The following CDH13 variants were observed in gnomAD, a reference collection of about 807,000 sequenced individuals.
The protein encoded by CDH13 is cadherin-13.
In CDH13, 24 loss-of-function variants were observed where a neutral mutation model predicts 63.8. That is an observed-to-expected ratio of 0.38 (90% CI 0.27 to 0.53). CDH13 has a LOEUF of 0.53. Ranked by LOEUF, CDH13 falls within the 20% of genes least tolerant of loss-of-function variation. The pLI is 0.85. For missense variants in CDH13, 1,049 were observed against 903.1 expected, an observed-to-expected ratio of 1.16 and a Z score of -2.07; for synonymous variants, 503 against 355.3, an observed-to-expected ratio of 1.42 and a Z score of -4.67.
intron 2 of CDH13, among the ~76,000 whole-genome samples, chr16:83,006,656 A>G (rs1913529303): frequency 6.6e-6 from 1 of 152,204 alleles, no homozygotes; most frequent in Non-Finnish European, 1.5e-5. Context: ...GCAAATAATG[A>G]TGAAGTGAGC....
intron 8 of CDH13, among the ~76,000 whole-genome samples, chr16:83,628,716 T>A (rs1567466391): frequency 6.6e-6 from 1 of 151,920 alleles, no homozygotes; most frequent in African/African-American, 2.4e-5. Flanking sequence ...AATCTGGGGT[T>A]TTTCTAGCTG....
At chr16:83,562,516 T>G (rs1201177616) in intron 7 of CDH13, among the ~76,000 whole-genome samples, 1 of 152,224 alleles carries the variant, frequency 6.6e-6, no homozygotes, top group Non-Finnish European at 1.5e-5. Context: ...CATGAAAGAT[T>G]GGTAATCACA....
Position 82,658,115 on chromosome 16 carries a change from T to A in CDH13, c.45+30978T>A, listed in dbSNP as rs541813235. ...GTTACTAGTTTGTTGAGAGTTATTA[T>A]GAGTATTGATTTTGCCAAGTGCTTT... is the stretch of plus-strand genomic sequence containing the variant. On this transcript the variant is annotated intron_variant, in intron 1 of 13. Coordinates refer to ENST00000567109, the MANE Select transcript of CDH13 (RefSeq NM_001257.5). Among the ~76,000 whole-genome samples the A allele has an allele frequency of 4.6e-5, 7 of 152,328 alleles. No individual in the cohort carries two copies. The East Asian group carries it at 1.2e-3, about 25-fold the overall frequency.
intron 1 of CDH13, among the ~76,000 whole-genome samples, chr16:82,680,409 G>T (rs1006288384): frequency 1.3e-5 from 2 of 152,328 alleles, no homozygotes; most frequent in East Asian, 1.9e-4. Context: ...GTGCCAGGAG[G>T]TGCGGGTGTA....
chr16:83,127,158 A>G (rs1336755986), intron 4 of CDH13, among the ~76,000 whole-genome samples: 2 of 152,214 alleles, frequency 1.3e-5, no homozygotes, highest in African/African-American at 4.8e-5. Flanking sequence ...TAGAGTCGCA[A>G]CATGCCTGGG....
chr16:83,275,600 G>A (rs1298931512), intron 5 of CDH13, among the ~76,000 whole-genome samples: 2 of 152,140 alleles, frequency 1.3e-5, no homozygotes, highest in African/African-American at 2.4e-5. Context: ...GCTTAAGGAG[G>A]GGGCACCATT....
At position 83,059,070 on chromosome 16, in the gene CDH13, G is replaced by T. The variant is rs78231643; in HGVS notation, c.366+26852G>T. Among the ~76,000 whole-genome samples, 1,468 of 152,224 alleles carry T rather than the reference G, an allele frequency of 9.6e-3. 17 individuals are homozygous for T. Among genetic ancestry groups the T allele is most frequent in the African/African-American group, 0.03 (1,253 of 41,508 alleles). On this transcript the variant is annotated intron_variant, in intron 3 of 13. Coordinates refer to ENST00000567109, the MANE Select transcript of CDH13 (RefSeq NM_001257.5). ...GGTGCAGGAACTTGATCTGAGAGGT[G>T]GTCCCAGGAAGCAGAAGTGAGTTCA...
chr16:82,887,622 A>T (rs1415282740), intron 2 of CDH13, among the ~76,000 whole-genome samples: 1 of 152,168 alleles, frequency 6.6e-6, no homozygotes, highest in East Asian at 1.9e-4. Context: ...GGAGTTCGAG[A>T]CGAGTCTGGC....
chr16:82,649,810 G>T (rs966623998), intron 1 of CDH13, among the ~76,000 whole-genome samples: 7 of 152,200 alleles, frequency 4.6e-5, no homozygotes, highest in African/African-American at 1.7e-4. Context: ...CCGCTGCCCT[G>T]TAACCTTGAG....
chr16:83,012,009 T>C (rs1218396665), intron 2 of CDH13, among the ~76,000 whole-genome samples: 1 of 152,208 alleles, frequency 6.6e-6, no homozygotes, highest in Non-Finnish European at 1.5e-5. Flanking sequence ...GATCACTAGA[T>C]TTTAATTTTA....
chr16:83,743,388 C>A (rs190217662), intron 10 of CDH13, among the ~76,000 whole-genome samples: 9 of 152,072 alleles, frequency 5.9e-5, no homozygotes, highest in African/African-American at 2.2e-4. Flanking sequence ...CAGGCCTAAC[C>A]GTGCTGAGTA....
At chr16:83,579,165 C>T (rs893889271) in intron 7 of CDH13, among the ~76,000 whole-genome samples, 1 of 152,160 alleles carries the variant, frequency 6.6e-6, no homozygotes, top group Non-Finnish European at 1.5e-5. Context: ...GCCTGAGGAC[C>T]ACTCCATGCC....
chr16:82,959,759 C>T (rs766447079), intron 2 of CDH13, among the ~76,000 whole-genome samples: 8 of 152,296 alleles, frequency 5.3e-5, no homozygotes, highest in South Asian at 2.1e-4. Flanking sequence ...AGTAGTACTG[C>T]GTGGCATGGA....
intron 10 of CDH13, among the ~76,000 whole-genome samples, chr16:83,682,004 C>T (rs992595808): frequency 4.6e-5 from 7 of 152,182 alleles, no homozygotes; most frequent in African/African-American, 2.4e-5. Context: ...CAGGTGTCTC[C>T]TGATAACATT....
At chr16:83,412,652 C>T (rs867368840) in intron 6 of CDH13, among the ~76,000 whole-genome samples, 2 of 152,106 alleles carry the variant, frequency 1.3e-5, no homozygotes, top group Admixed American at 1.3e-4. Flanking sequence ...TGGGGCACAT[C>T]AACTCCTTGC....
At chr16:82,879,351 C>T (rs529488215) in intron 2 of CDH13, among the ~76,000 whole-genome samples, 11 of 151,616 alleles carry the variant, frequency 7.3e-5, no homozygotes, top group Admixed American at 4.6e-4. Flanking sequence ...GTGGTTATTT[C>T]TATCCATTAA....
At chr16:83,764,368 C>T (rs1255100097) in intron 11 of CDH13, among the ~76,000 whole-genome samples, 4 of 152,182 alleles carry the variant, frequency 2.6e-5, no homozygotes, top group African/African-American at 9.7e-5. Flanking sequence ...AGCCTGACAG[C>T]AGGACATTTC....
intron 5 of CDH13, among the ~76,000 whole-genome samples, chr16:83,270,680 G>C (rs935158490): frequency 6.6e-6 from 1 of 152,074 alleles, no homozygotes; most frequent in African/African-American, 2.4e-5. Context: ...CACGCTTAGA[G>C]GAGGCTTCAT....
At chr16:83,149,809 G>A (rs2036898346) in intron 4 of CDH13, among the ~76,000 whole-genome samples, 1 of 152,146 alleles carries the variant, frequency 6.6e-6, no homozygotes, top group South Asian at 2.1e-4. Context: ...TCTGTATTCA[G>A]CGATGTCTTG....
Sources: allele counts gnomAD v4.1 joint callset (sites outside exome capture counted in the v4.1 genomes callset), GRCh38; gene constraint gnomAD v4.1.1; transcripts MANE v1.5; gene names NCBI Gene and HGNC (gene_info 2026-07-23, HGNC 2026-07-21).